The following CCDC91 variants were observed in gnomAD, a reference collection of about 807,000 sequenced individuals.
CCDC91 encodes the protein coiled-coil domain containing 91.
CCDC91 carries 48 observed loss-of-function variants against 63.2 expected under a neutral mutation model. The observed-to-expected ratio is 0.76, with a 90% CI of 0.60 to 0.97. The LOEUF (loss-of-function observed/expected upper bound fraction) is 0.97. Ranked by LOEUF, CCDC91 falls within the 50% of genes least tolerant of loss-of-function variation. The pLI is 0.00. For missense variants in CCDC91, 500 were observed against 494.6 expected, an observed-to-expected ratio of 1.01 and a Z score of -0.10; for synonymous variants, 167 against 165.8, an observed-to-expected ratio of 1.01 and a Z score of -0.06.
intron 12 of CCDC91, among the ~76,000 whole-genome samples, chr12:28,503,517 G>T (rs1390709492): frequency 2.0e-5 from 3 of 152,174 alleles, no homozygotes; most frequent in African/African-American, 7.2e-5. Context: ...CATTGTGGAA[G>T]TGAGTGTGGC....
chr12:28,329,913 G>T (rs1592326302), intron 6 of CCDC91, among the ~76,000 whole-genome samples: 1 of 152,064 alleles, frequency 6.6e-6, no homozygotes, highest in Non-Finnish European at 1.5e-5. Context: ...ATGGTTTCCA[G>T]CTTCATCCAT....
intron 6 of CCDC91, among the ~76,000 whole-genome samples, chr12:28,360,242 G>A (rs1235800380): frequency 1.3e-5 from 2 of 152,182 alleles, no homozygotes; most frequent in African/African-American, 4.8e-5. Context: ...TGTTGATAAT[G>A]AAATGGAACC....
At chr12:28,445,496 A>C (rs1949450346) in intron 8 of CCDC91, among the ~76,000 whole-genome samples, 1 of 152,210 alleles carries the variant, frequency 6.6e-6, no homozygotes, top group African/African-American at 2.4e-5. Flanking sequence ...ACCCATGAAG[A>C]AGCTGGTTTG....
chr12:28,501,520 C>T (rs996420958), intron 12 of CCDC91, among the ~76,000 whole-genome samples: 50 of 151,978 alleles, frequency 3.3e-4, no homozygotes, highest in African/African-American at 9.9e-4. Context: ...TATTGCTTTG[C>T]GTATATTGAA....
At chr12:28,493,951 C>T (rs1952148660) in intron 12 of CCDC91, among the ~76,000 whole-genome samples, 1 of 151,588 alleles carries the variant, frequency 6.6e-6, no homozygotes, top group Admixed American at 6.6e-5. Context: ...TGAGCATGCC[C>T]AATTTAATAG....
chr12:28,518,948 A>C (rs1003968263), intron 12 of CCDC91, among the ~76,000 whole-genome samples: 1 of 151,906 alleles, frequency 6.6e-6, no homozygotes, highest in Non-Finnish European at 1.5e-5. Context: ...GCTTTGTCGA[A>C]GATCAGTTGG....
chr12:28,225,519 C>T (rs1452070553), intron 1 of CCDC91, among the ~76,000 whole-genome samples: 4 of 151,884 alleles, frequency 2.6e-5, no homozygotes, highest in Non-Finnish European at 5.9e-5. Context: ...GGCATGATCT[C>T]GGCTCACTGC....
intron 1 of CCDC91, among the ~76,000 whole-genome samples, chr12:28,197,497 A>G (rs1477358690): frequency 6.6e-6 from 1 of 152,072 alleles, no homozygotes; most frequent in Admixed American, 6.6e-5. Flanking sequence ...TCCAACTGCT[A>G]CTTTTTGGTA....
chr12:28,438,167 G>GT (rs1396713743), intron 8 of CCDC91, among the ~76,000 whole-genome samples: 13 of 152,108 alleles, frequency 8.5e-5, no homozygotes, highest in African/African-American at 3.1e-4. Context: ...TGGTATGGAT[G>GT]TTTGTGTCTC....
chr12:28,533,790 G>A (rs747136003), intron 12 of CCDC91, among the ~76,000 whole-genome samples: 7 of 150,204 alleles, frequency 4.7e-5, no homozygotes, highest in African/African-American at 7.3e-5. Context: ...TTTAAATGTC[G>A]TTTTGCTGCA....
chr12:28,544,207 G>C (rs970009297), intron 12 of CCDC91, among the ~76,000 whole-genome samples: 4 of 151,606 alleles, frequency 2.6e-5, no homozygotes, highest in Non-Finnish European at 5.9e-5. Flanking sequence ...TCTCCTCCTT[G>C]GTAATTTTGC....
intron 12 of CCDC91, among the ~76,000 whole-genome samples, chr12:28,498,465 T>C (rs1005577847): frequency 6.6e-6 from 1 of 151,628 alleles, no homozygotes; most frequent in Non-Finnish European, 1.5e-5. Flanking sequence ...GCAAGTTATA[T>C]GGTCAAGTCC....
intron 8 of CCDC91, 29 bp downstream of exon 8, chr12:28,391,440 T>C (rs758284509): frequency 7.5e-7 from 1 of 1,339,254 alleles, no homozygotes; most frequent in South Asian, 1.2e-5. Context: ...CATTATATAT[T>C]TATACTTTTC....
chr12:28,463,983 T>G (rs1950430248), intron 11 of CCDC91, among the ~76,000 whole-genome samples: 1 of 152,112 alleles, frequency 6.6e-6, no homozygotes, highest in African/African-American at 2.4e-5. Flanking sequence ...CAAAACACTC[T>G]TAAATCTCTG....
intron 12 of CCDC91, among the ~76,000 whole-genome samples, chr12:28,512,911 G>T (rs996451245): frequency 6.6e-6 from 1 of 151,884 alleles, no homozygotes; most frequent in African/African-American, 2.4e-5. Context: ...TGCAGAAAAG[G>T]TCCTTATATT....
At chr12:28,510,395 G>A (rs1330964443) in intron 12 of CCDC91, among the ~76,000 whole-genome samples, 1 of 151,824 alleles carries the variant, frequency 6.6e-6, no homozygotes, top group African/African-American at 2.4e-5. Context: ...AGAACTGATG[G>A]TGTAAATTCC....
At chr12:28,533,087 T>C (rs1170517511) in intron 12 of CCDC91, among the ~76,000 whole-genome samples, 4 of 152,144 alleles carry the variant, frequency 2.6e-5, no homozygotes, top group African/African-American at 4.8e-5. Flanking sequence ...TTGGGCACTG[T>C]TGATTAGTTA....
chr12:28,543,948 C>T (rs1441718643), intron 12 of CCDC91, among the ~76,000 whole-genome samples: 2 of 152,002 alleles, frequency 1.3e-5, no homozygotes, highest in African/African-American at 4.8e-5. Flanking sequence ...TGTTCTTAAG[C>T]CACCATTGCC....
chr12:28,377,404 T>A (rs1174096496), intron 7 of CCDC91, among the ~76,000 whole-genome samples: 2 of 151,864 alleles, frequency 1.3e-5, no homozygotes, highest in Non-Finnish European at 2.9e-5. Context: ...TTAAAAAGAA[T>A]GCTAAGTAGA....
Sources: allele counts gnomAD v4.1 joint callset (sites outside exome capture counted in the v4.1 genomes callset), GRCh38; gene constraint gnomAD v4.1.1; transcripts MANE v1.5; gene names NCBI Gene and HGNC (gene_info 2026-07-23, HGNC 2026-07-21).